ADAM28: variants seen among roughly 807,000 people sequenced by gnomAD.
ADAM28 encodes the protein disintegrin and metalloproteinase domain-containing protein 28.
Under a neutral mutation model 101.2 loss-of-function variants are expected in ADAM28, and 105 were observed. That is an observed-to-expected ratio of 1.04 (90% CI 0.89 to 1.22). ADAM28 has a LOEUF of 1.22. ADAM28 is among the 50% of genes most tolerant of loss of function. The probability of loss-of-function intolerance (pLI) is 0.00; values close to 1 mark genes in which losing one functional copy is unlikely to be tolerated. For missense variants in ADAM28, 1,028 were observed against 945.4 expected (o/e 1.09, Z -1.15); for synonymous variants, 322 against 310.6 (o/e 1.04, Z -0.39).
chr8:24,358,225 C>CAAAG lies in ADAM28; in HGVS notation c.*3823_*3826dup, dbSNP rs1374905903. The CAAAG allele has an allele frequency of 6.6e-6, 1 of 152,182 alleles. No individual in the cohort carries two copies. The highest frequency in any genetic ancestry group is 1.5e-5 in the Non-Finnish European group (1 of 68,024). 9.4% of individuals were successfully genotyped at this position (152,182 alleles called of 1,614,324 possible). On this transcript the variant is annotated 3_prime_UTR_variant, in exon 23 of 23. Transcript: ENST00000265769. ...CTTGACTAGTATGTTCCCCATCATT[C>CAAAG]AAAGACACCATTATTTCCTAAGTGT...
intron 7 of ADAM28, among the ~76,000 whole-genome samples, chr8:24,320,593 C>T (rs1234352665): frequency 1.3e-5 from 2 of 151,896 alleles, no homozygotes; most frequent in Non-Finnish European, 2.9e-5. Flanking sequence ...TTACATTCTT[C>T]TGTCATTTTG....
intron 1 of ADAM28, among the ~76,000 whole-genome samples, chr8:24,294,705 TA>T (rs1807732476): frequency 6.6e-6 from 1 of 152,218 alleles, no homozygotes. Flanking sequence ...AAATAATTAA[TA>T]TTTTTTATTT....
At position 24,313,375 on chromosome 8, in the gene ADAM28, C is replaced by A. The variant is rs147763555; in HGVS notation, c.384-13C>A. On this transcript the variant is annotated splice_polypyrimidine_tract_variant and intron_variant, in intron 5 of 22. Transcript: ENST00000265769. ...ATATTTGTTAAGAAGCCAGAACTCT[C>A]ATGTTTTTTCAGGGGCTACTTCAGT... 23 of 1,597,832 alleles carry A rather than the reference C, an allele frequency of 1.4e-5. No homozygotes were observed. The East Asian group carries it at 4.9e-4, about 34-fold the overall frequency.
In ADAM28 at chr8:24,311,399, G is replaced by A. The variant is rs756748932; in HGVS notation, c.345G>A (p.Lys115=). The A allele has an allele frequency of 1.9e-6, 3 of 1,612,890 alleles. No individual in the cohort carries two copies. Among genetic ancestry groups the A allele is most frequent in the Non-Finnish European group, 1.7e-6 (2 of 1,179,470 alleles). Residue 115 remains lysine, a synonymous_variant, in exon 5 of 23, where the codon AAG becomes AAA. Transcript: ENST00000265769. The part of the protein sequence containing the change: ...CYYQGHILNE[K]VSDASISTCR... ...ATCAAGGACATATTCTTAATGAAAAGGTTTCTGACGCTAGCATCAGCACAT... is the reference window on the plus strand; with the variant it reads ...ATCAAGGACATATTCTTAATGAAAAAGTTTCTGACGCTAGCATCAGCACAT...
chr8:24,343,538 G>A lies in ADAM28; in HGVS notation c.1944G>A (p.Glu648=), dbSNP rs758954662. 2 of 1,613,808 alleles carry A rather than the reference G, an allele frequency of 1.2e-6. No homozygotes were observed. Among genetic ancestry groups the A allele is most frequent in the Non-Finnish European group, 1.7e-6 (2 of 1,179,812 alleles). Residue 648 remains glutamate, a synonymous_variant, in exon 18 of 23, where the codon GAG becomes GAA. Coordinates refer to ENST00000265769, the MANE Select transcript of ADAM28 (RefSeq NM_014265.6). ...VCDHELQCQC[E]EGWIPPDCDD... ...ACCATGAGCTCCAGTGTCAATGTGA[G>A]GAAGGATGGATCCCTCCCGACTGCG...
At chr8:24,310,364 T>C in intron 4 of ADAM28, 123 bp downstream of exon 4, 1 of 770,290 alleles carries the variant, frequency 1.3e-6, no homozygotes. Context: ...TTTTCAGCAG[T>C]AGCCATTACT....
intron 7 of ADAM28, 82 bp from the exon 8 acceptor site, chr8:24,321,136 A>G: frequency 5.3e-6 from 4 of 759,758 alleles, no homozygotes; most frequent in Non-Finnish European, 9.0e-6. Flanking sequence ...ATAATAAGTA[A>G]TATAAGAGAA....
chr8:24,330,250 C>T (rs1210178355), intron 11 of ADAM28, 135 bp downstream of exon 11: 8 of 1,011,718 alleles, frequency 7.9e-6, no homozygotes, highest in Middle Eastern at 3.3e-4. Context: ...GCCAAGCCAC[C>T]TCATCTATGG....
intron 6 of ADAM28, 43 bp downstream of exon 6, chr8:24,313,623 G>T (rs753296980): frequency 1.3e-6 from 2 of 1,578,532 alleles, no homozygotes; most frequent in Non-Finnish European, 1.7e-6. Flanking sequence ...CATGTATTCT[G>T]CCCTGGTTTC....
Position 24,326,785 on chromosome 8 carries a change from G to T in ADAM28, c.972+150G>T. 9.1e-6 allele frequency: 6 copies of T among 659,140 alleles called. No individual in the cohort carries two copies. In the South Asian group the frequency reaches 1.6e-4, roughly 17 times the overall value. 40.8% of individuals were successfully genotyped at this position (659,140 alleles called of 1,614,324 possible). On this transcript the variant is annotated intron_variant, in intron 10 of 22. Transcript: ENST00000265769. ...GAATTTCAAATGTTGAACTAATTTTGCATTCCAGTGTAAACTCAACATATT... is the reference window on the plus strand; with the variant it reads ...GAATTTCAAATGTTGAACTAATTTTTCATTCCAGTGTAAACTCAACATATT...
chr8:24,354,086 C>T (rs1816492177), intron 22 of ADAM28, among the ~76,000 whole-genome samples: 1 of 152,032 alleles, frequency 6.6e-6, no homozygotes, highest in Admixed American at 6.6e-5. Context: ...TAAGGATGAA[C>T]ATGAGAAGAA....
intron 10 of ADAM28, among the ~76,000 whole-genome samples, chr8:24,327,448 G>A (rs186034192): frequency 0.016 from 2,363 of 152,104 alleles, 63 homozygotes; most frequent in African/African-American, 0.054. Context: ...CAATATCATG[G>A]AAATGGCCAT....
At chr8:24,330,234 A>G (rs1813194924) in intron 11 of ADAM28, 119 bp downstream of exon 11, 7 of 1,252,524 alleles carry the variant, frequency 5.6e-6, no homozygotes, top group African/African-American at 1.5e-5. Flanking sequence ...CTAAATGTGC[A>G]TTTGTGCCAA....
intron 10 of ADAM28, among the ~76,000 whole-genome samples, chr8:24,329,679 C>T (rs1813076545): frequency 6.6e-6 from 1 of 151,908 alleles, no homozygotes; most frequent in Admixed American, 6.6e-5. Flanking sequence ...AGATAGATCA[C>T]TTAAAAAAAA....
intron 6 of ADAM28, among the ~76,000 whole-genome samples, 176 bp downstream of exon 6, chr8:24,313,756 C>CT (rs1284941330): frequency 1.0e-4 from 15 of 145,684 alleles, no homozygotes; most frequent in South Asian, 8.5e-4. Flanking sequence ...TAGGAATCAA[C>CT]TATTTTTTTT....
chr8:24,343,051 C>A, intron 16 of ADAM28, 50 bp from the exon 17 acceptor site: 1 of 1,611,738 alleles, frequency 6.2e-7, no homozygotes, highest in South Asian at 1.1e-5. Context: ...TCAACTTTCT[C>A]ATCTACGTTC....
chr8:24,314,683 T>C (rs184779109), intron 6 of ADAM28, among the ~76,000 whole-genome samples: 95 of 152,078 alleles, frequency 6.2e-4, no homozygotes, highest in African/African-American at 2.0e-3. Flanking sequence ...AAGTGCTCTG[T>C]AGATCACATA....
chr8:24,357,281 T>G lies in ADAM28; in HGVS notation c.*2877T>G, dbSNP rs1431720812. ...AAAGTTGTTATGGTTTGGAGATATT[T>G]GTTATGCAGCAATAGATAGCTGATA... On this transcript the variant is annotated 3_prime_UTR_variant, in exon 23 of 23. Transcript: ENST00000265769. The G allele has an allele frequency of 6.6e-6, 1 of 152,234 alleles. No individual in the cohort carries two copies. The highest frequency in any genetic ancestry group is 1.5e-5 in the Non-Finnish European group (1 of 68,040). The allele number at this position is 152,234 out of a possible 1,614,324, so 9.4% of individuals were successfully genotyped here.
chr8:24,355,968 C>G lies in ADAM28; in HGVS notation c.*1564C>G, dbSNP rs563119143. ...CATTTCTATCAATCACTTACCTGGT[C>G]CCCACAGGCCTGTCGCTTCATGAGG... On this transcript the variant is annotated 3_prime_UTR_variant, in exon 23 of 23. Coordinates refer to ENST00000265769, the MANE Select transcript of ADAM28 (RefSeq NM_014265.6). 6.6e-6 allele frequency: 1 copy of G among 152,114 alleles called. No homozygotes were observed. Among genetic ancestry groups the G allele is most frequent in the Admixed American group, 6.6e-5 (1 of 15,250 alleles). The allele number at this position is 152,114 out of a possible 1,614,324, so 9.4% of individuals were successfully genotyped here. A position where few individuals can be genotyped will look rare whatever the true frequency, so the allele number is the denominator to read the frequency against.
Sources: gnomAD v4.1 joint callset for allele counts (sites outside exome capture counted in the v4.1 genomes callset) on GRCh38, gnomAD v4.1.1 for gene constraint, MANE v1.5 for transcripts, NCBI Gene and HGNC (gene_info 2026-07-23, HGNC 2026-07-21) for gene names.